Variants in FAT3 observed in about 807,000 individuals in gnomAD.
FAT3 encodes the protein protocadherin Fat 3.
Under a neutral mutation model 310.2 loss-of-function variants are expected in FAT3, and 95 were observed. The ratio of observed to expected loss-of-function variants is 0.31; its 90% CI spans 0.26 to 0.36. FAT3 has a LOEUF of 0.36. Ranked by LOEUF, FAT3 falls within the 10% of genes least tolerant of loss-of-function variation. The pLI, the probability that FAT3 is intolerant of heterozygous loss-of-function variation, is 1.00. For synonymous variants in FAT3, 2,314 were observed against 2,192.9 expected (o/e 1.06, Z -1.54); for missense variants, 5,408 against 5,715.6 (o/e 0.95, Z 1.74).
chr11:92,662,514 A>G (rs1420334133), intron 3 of FAT3, among the ~76,000 whole-genome samples: 1 of 152,216 alleles, frequency 6.6e-6, no homozygotes, highest in Non-Finnish European at 1.5e-5. Context: ...ATTTAGCCAT[A>G]GTCAGAGTCA....
chr11:92,560,788 TTTG>T (rs1955198499), intron 3 of FAT3, among the ~76,000 whole-genome samples: 1 of 152,184 alleles, frequency 6.6e-6, no homozygotes, highest in East Asian at 1.9e-4. Flanking sequence ...TGGTTGGAAC[TTTG>T]TTGTTATTCA....
intron 3 of FAT3, among the ~76,000 whole-genome samples, chr11:92,622,733 G>A (rs1485717709): frequency 6.6e-6 from 1 of 152,078 alleles, no homozygotes; most frequent in African/African-American, 2.4e-5. Flanking sequence ...TCAATTGCAC[G>A]GTCACAGAGA....
At chr11:92,328,393 C>A (rs1947819100) in intron 1 of FAT3, among the ~76,000 whole-genome samples, 1 of 152,194 alleles carries the variant, frequency 6.6e-6, no homozygotes, top group African/African-American at 2.4e-5. Context: ...ATAAGAATAA[C>A]TGAAATGCTT....
intron 1 of FAT3, among the ~76,000 whole-genome samples, chr11:92,258,811 G>A (rs916347169): frequency 4.6e-5 from 7 of 152,010 alleles, no homozygotes; most frequent in Non-Finnish European, 8.8e-5. Flanking sequence ...TGGTGAGTTA[G>A]GAAGAGTTGT....
chr11:92,544,832 T>A (rs1954566215), intron 3 of FAT3, among the ~76,000 whole-genome samples: 2 of 152,142 alleles, frequency 1.3e-5, no homozygotes, highest in African/African-American at 2.4e-5. Flanking sequence ...TATGGTTAGG[T>A]GCAATCACAA....
intron 2 of FAT3, among the ~76,000 whole-genome samples, chr11:92,427,740 G>A (rs1950668380): frequency 6.6e-6 from 1 of 152,098 alleles, no homozygotes; most frequent in African/African-American, 2.4e-5. Flanking sequence ...TGGTGGATAA[G>A]CTTTTTAATG....
chr11:92,857,430 C>A, intron 20 of FAT3, 82 bp downstream of exon 20: 1 of 1,572,830 alleles, frequency 6.4e-7, no homozygotes, highest in Non-Finnish European at 8.6e-7. Flanking sequence ...CCATCCAAGT[C>A]CTCCCAGAAA....
chr11:92,807,487 A>ACATTTACCTACATTTATT (rs1259091736), intron 12 of FAT3, among the ~76,000 whole-genome samples: 5 of 152,218 alleles, frequency 3.3e-5, no homozygotes, highest in Non-Finnish European at 5.9e-5. Flanking sequence ...AGCATCAAGT[A>ACATTTACCTACATTTATT]AGCGGACATC....
chr11:92,855,222 A>G (rs1948940336), intron 19 of FAT3, among the ~76,000 whole-genome samples: 1 of 152,222 alleles, frequency 6.6e-6, no homozygotes, highest in Non-Finnish European at 1.5e-5. Context: ...TATTATGAAT[A>G]AACATTAAGG....
chr11:92,321,043 A>G (rs897656411), intron 1 of FAT3, among the ~76,000 whole-genome samples: 10 of 152,172 alleles, frequency 6.6e-5, no homozygotes, highest in African/African-American at 2.4e-5. Flanking sequence ...TCAAATTCCT[A>G]GAGATAGGAA....
chr11:92,663,667 G>C (rs1942864796), intron 3 of FAT3, among the ~76,000 whole-genome samples: 1 of 152,114 alleles, frequency 6.6e-6, no homozygotes, highest in Non-Finnish European at 1.5e-5. Context: ...CTTAAATGCT[G>C]TCTCTATCTT....
intron 3 of FAT3, among the ~76,000 whole-genome samples, chr11:92,673,911 T>C (rs1265883821): frequency 6.6e-6 from 1 of 152,004 alleles, no homozygotes; most frequent in Non-Finnish European, 1.5e-5. Flanking sequence ...CCAGGTATGG[T>C]GGTTCATGCC....
At chr11:92,759,646 G>A (rs1029282148) in intron 4 of FAT3, among the ~76,000 whole-genome samples, 1 of 152,114 alleles carries the variant, frequency 6.6e-6, no homozygotes, top group South Asian at 2.1e-4. Flanking sequence ...CGAGTGACCC[G>A]CTATGCGTAG....
At chr11:92,847,465 A>C (rs542208658) in intron 19 of FAT3, among the ~76,000 whole-genome samples, 1 of 152,318 alleles carries the variant, frequency 6.6e-6, no homozygotes, top group Admixed American at 6.5e-5. Flanking sequence ...ATTTCACAGA[A>C]TATATCCCCA....
chr11:92,412,752 CATACAT>C (rs1404636873), intron 2 of FAT3, among the ~76,000 whole-genome samples: 13 of 24,274 alleles, frequency 5.4e-4, no homozygotes, highest in Admixed American at 2.1e-3. Flanking sequence ...TATAAATATA[CATACAT>C]ATATATATAT....
chr11:92,779,422 A>G (rs888491831), intron 7 of FAT3, among the ~76,000 whole-genome samples: 1 of 152,288 alleles, frequency 6.6e-6, no homozygotes, highest in South Asian at 2.1e-4. Flanking sequence ...ATGGTAAAGC[A>G]TGACAAGAGG....
chr11:92,403,880 C>T (rs1450350629), intron 2 of FAT3, among the ~76,000 whole-genome samples: 1 of 151,994 alleles, frequency 6.6e-6, no homozygotes, highest in East Asian at 1.9e-4. Flanking sequence ...ATGAAAAATA[C>T]AAAATATTAG....
Position 92,789,968 on chromosome 11 carries a change from A to G in FAT3, c.4361A>G (p.Asn1454Ser). The stretch of plus-strand genomic sequence containing the variant: ...GTATTTATCAAAGTGCTGGATAATA[A>G]TGATAATGGCCCAGAATTCTCTCAG... ...TQVFIKVLDN[N>S]DNGPEFSQPN... The change falls in exon 8 of 28, where the codon AAT becomes AGT. Residue 1454 changes from asparagine (N) to serine (S), a missense_variant. Around this residue, in one of 5 missense-constraint regions of FAT3, gnomAD observed 4,588 missense variants for 4,809.8 expected, o/e 0.95. Transcript: ENST00000525166. The G allele has an allele frequency of 6.2e-7, 1 of 1,613,718 alleles. No individual in the cohort carries two copies. The highest frequency in any genetic ancestry group is 8.5e-7 in the Non-Finnish European group (1 of 1,179,692).
rs767573973 is a variant in FAT3, at chr11:92,353,204, T to A, written c.1092T>A (p.Ile364=). ...QKCSALKAVY[I]GNPTRDTVPI... The stretch of plus-strand genomic sequence containing the variant: ...GTTCAGCATTAAAGGCAGTCTACAT[T>A]GGCAACCCCACAAGAGACACTGTCC... The change falls in exon 2 of 28, where the codon ATT becomes ATA. Residue 364 remains isoleucine (I), a synonymous_variant. Transcript: ENST00000525166. 6.0e-5 allele frequency: 97 copies of A among 1,613,786 alleles called. No homozygotes were observed. Among genetic ancestry groups the A allele is most frequent in the Non-Finnish European group, 8.2e-5 (97 of 1,179,878 alleles).
Sources: allele counts gnomAD v4.1 joint callset (sites outside exome capture counted in the v4.1 genomes callset), GRCh38; gene constraint gnomAD v4.1.1; regional missense constraint gnomAD v4.1.1; transcripts MANE v1.5; gene names NCBI Gene and HGNC (gene_info 2026-07-23, HGNC 2026-07-21).